STK32C: variants seen among roughly 807,000 people sequenced by gnomAD.
STK32C encodes serine/threonine-protein kinase 32C.
A neutral mutation model predicts 56.5 loss-of-function variants in STK32C; 31 were observed. That is an observed-to-expected ratio of 0.55 (90% CI 0.41 to 0.74). The LOEUF (loss-of-function observed/expected upper bound fraction) is 0.74, where lower values mean the gene tolerates loss of function less well. STK32C is among the 30% of genes least tolerant of loss of function. STK32C has a pLI of 0.00. For synonymous variants in STK32C, 309 were observed against 289.4 expected, an observed-to-expected ratio of 1.07 and a Z score of -0.69; for missense variants, 544 against 676.9, an observed-to-expected ratio of 0.80 and a Z score of 2.18.
chr10:132,232,688 G>A (rs1413673186), intron 2 of STK32C, among the ~76,000 whole-genome samples: 1 of 152,030 alleles, frequency 6.6e-6, no homozygotes, highest in African/African-American at 2.4e-5. Context: ...GGGCTCCGGA[G>A]CCCTGGGCTT....
At position 132,209,019 on chromosome 10, in the gene STK32C, C is replaced by T. The variant is rs371145270; in HGVS notation, c.1319+15G>A. The T allele has an allele frequency of 1.9e-6, 3 of 1,612,468 alleles. No individual in the cohort carries two copies. The highest frequency in any genetic ancestry group is 8.5e-7 in the Non-Finnish European group (1 of 1,178,862). On this transcript the variant is annotated intron_variant, in intron 11 of 11. Transcript: ENST00000298630. ...CCTCTCTGCCACCACGCCCACCCAC[C>T]CCCAACACACTCACTTTTCTCTGTT...
chr10:132,275,736 G>T (rs2064976899), intron 1 of STK32C, among the ~76,000 whole-genome samples: 1 of 152,118 alleles, frequency 6.6e-6, no homozygotes, highest in African/African-American at 2.4e-5. Flanking sequence ...CAGGCTCCAG[G>T]GTCTGCCTTC....
chr10:132,221,692 ACAC>A (rs1294805108), intron 10 of STK32C, among the ~76,000 whole-genome samples: 2 of 142,938 alleles, frequency 1.4e-5, no homozygotes, highest in Non-Finnish European at 1.5e-5. Context: ...GTCCCCACAC[ACAC>A]AACTGATGCT....
chr10:132,307,935 C>G lies in STK32C; in HGVS notation c.-102G>C. 3 of 1,066,644 alleles carry G rather than the reference C, an allele frequency of 2.8e-6. No individual in the cohort carries two copies. Among genetic ancestry groups the G allele is most frequent in the Non-Finnish European group, 3.4e-6 (3 of 882,978 alleles). 66.1% of individuals were successfully genotyped at this position (1,066,644 alleles called of 1,614,324 possible). A position where few individuals can be genotyped will look rare whatever the true frequency, so the allele number is the denominator to read the frequency against. ...GGGAGCGCTCGGGGCCGGCAGCGCC[C>G]GCCGTGCGCTCTTCTGGGCGGTGGA... is the stretch of plus-strand genomic sequence containing the variant. On this transcript the variant is annotated 5_prime_UTR_variant, in exon 1 of 12. Transcript: ENST00000298630. The surrounding 1 kb of genome is among the most constrained non-coding windows in gnomAD (Gnocchi z 4.4).
chr10:132,297,303 C>A (rs1426491490), intron 1 of STK32C, among the ~76,000 whole-genome samples: 9 of 152,328 alleles, frequency 5.9e-5, no homozygotes, highest in African/African-American at 1.9e-4. Flanking sequence ...CGCTGCCACC[C>A]CACCGGTGCC....
chr10:132,311,269 T>G (rs2066215351), upstream of STK32C, among the ~76,000 whole-genome samples: 1 of 152,200 alleles, frequency 6.6e-6, no homozygotes, highest in Admixed American at 6.5e-5. This position sits in a 1 kb window ranked among gnomAD's most constrained non-coding sequence, Gnocchi z 4.4. Flanking sequence ...ATCACACGAT[T>G]CGTGTGTGCT....
upstream of STK32C, among the ~76,000 whole-genome samples, chr10:132,312,915 C>T (rs1417545097): frequency 6.6e-6 from 1 of 152,190 alleles, no homozygotes. Flanking sequence ...TGGCACACGC[C>T]TGTAATACCA....
chr10:132,265,558 C>T (rs113771911), intron 1 of STK32C, among the ~76,000 whole-genome samples: 5,007 of 152,272 alleles, frequency 0.033, 114 homozygotes, highest in Middle Eastern at 0.061. Flanking sequence ...CCATCAGCCC[C>T]GCACAGCCCT....
chr10:132,224,420 G>A lies in STK32C; in HGVS notation c.980C>T (p.Ala327Val), dbSNP rs2062801661. ...YVPTWSKEMVALLRKLLTVNP... is the reference protein window; with the variant it reads ...YVPTWSKEMVVLLRKLLTVNP... ...ATGGGGGCTCACCTTCCGCAGCAAG[G>A]CCACCATCTCCTTGGACCACGTGGG... The change falls in exon 8 of 12, where the codon GCC becomes GTC. Residue 327 changes from alanine to valine, a missense_variant. Physicochemically the swap from Ala to Val is moderately conservative, Grantham distance 64. Transcript: ENST00000298630. The A allele has an allele frequency of 6.4e-7, 1 of 1,552,596 alleles. No homozygotes were observed.
chr10:132,329,811 C>T (rs2066601612), intron 1 of STK32C, among the ~76,000 whole-genome samples: 2 of 152,220 alleles, frequency 1.3e-5, no homozygotes, highest in South Asian at 2.1e-4. Flanking sequence ...ACTTAGCTAT[C>T]TCAGGTGAGA....
At chr10:132,261,126 C>T (rs946254699) in intron 1 of STK32C, among the ~76,000 whole-genome samples, 2 of 152,040 alleles carry the variant, frequency 1.3e-5, no homozygotes, top group African/African-American at 4.8e-5. Context: ...GCCTTGGAGA[C>T]GATCACTGCT....
intron 1 of STK32C, among the ~76,000 whole-genome samples, chr10:132,289,974 C>T (rs558454773): frequency 9.9e-4 from 151 of 152,308 alleles, no homozygotes; most frequent in African/African-American, 3.5e-3. Flanking sequence ...TATCACATCA[C>T]GTTTGGAAAT....
chr10:132,230,483 G>A (rs573705808), intron 2 of STK32C, among the ~76,000 whole-genome samples: 14 of 152,138 alleles, frequency 9.2e-5, no homozygotes, highest in African/African-American at 3.1e-4. Context: ...TCCTGCAGAC[G>A]GTCACTGCAG....
chr10:132,222,502 T>C (rs2062713985), intron 10 of STK32C, 139 bp downstream of exon 10: 1 of 1,144,662 alleles, frequency 8.7e-7, no homozygotes, highest in Non-Finnish European at 1.2e-6. Flanking sequence ...GTCTCTGGCC[T>C]TCTCAGGACT....
intron 2 of STK32C, among the ~76,000 whole-genome samples, chr10:132,230,244 CAGTG>C (rs1238715783): frequency 6.6e-6 from 1 of 152,254 alleles, no homozygotes; most frequent in African/African-American, 2.4e-5. Context: ...TTCAGAATGA[CAGTG>C]AGCGTAAGCT....
intron 1 of STK32C, among the ~76,000 whole-genome samples, chr10:132,247,586 G>A (rs1321859780): frequency 6.6e-6 from 1 of 152,138 alleles, no homozygotes; most frequent in East Asian, 1.9e-4. Context: ...GGGAGGGGGT[G>A]CCTAGGTGAG....
chr10:132,319,518 C>G (rs137882160), downstream of STK32C, among the ~76,000 whole-genome samples: 2,203 of 152,280 alleles, frequency 0.014, 44 homozygotes, highest in South Asian at 0.046. Flanking sequence ...AATACTGATG[C>G]CTTCTACTAC....
rs2062145958 is a variant in STK32C at position 132,207,795 on chromosome 10, C to T, written c.*215G>A. 1 of 542,184 alleles carries T rather than the reference C, an allele frequency of 1.8e-6. No individual in the cohort carries two copies. Among genetic ancestry groups the T allele is most frequent in the South Asian group, 1.0e-4 (1 of 9,864 alleles). 33.6% of individuals were successfully genotyped at this position (542,184 alleles called of 1,614,324 possible). A position where few individuals can be genotyped will look rare whatever the true frequency, so the allele number is the denominator to read the frequency against. On this transcript the variant is annotated 3_prime_UTR_variant, in exon 12 of 12. Transcript: ENST00000298630. The stretch of plus-strand genomic sequence containing the variant: ...CTCCATCTAGGCGGGTCTCGGGGGC[C>T]CACGGGAAATGCCCTCCACAGGTGT...
At chr10:132,324,370 A>G in exon 2 of STK32C, 1 of 777,942 alleles carries the variant, frequency 1.3e-6, no homozygotes, top group Non-Finnish European at 2.4e-6. Context: ...TGCTCTCAGA[A>G]GACCTATATG....
Sources: gnomAD v4.1 joint callset for allele counts (sites outside exome capture counted in the v4.1 genomes callset) on GRCh38, gnomAD v4.1.1 for gene constraint, Gnocchi (gnomAD v3.1) non-coding constraint, MANE v1.5 for transcripts, NCBI Gene and HGNC (gene_info 2026-07-23, HGNC 2026-07-21) for gene names.